ZNF692: variants seen among roughly 807,000 people sequenced by gnomAD.
The protein encoded by ZNF692 is AICAR responsive element binding protein.
In ZNF692, 41 loss-of-function variants were observed where a neutral mutation model predicts 49.0. The observed-to-expected ratio is 0.84, with a 90% CI of 0.65 to 1.08. The LOEUF (loss-of-function observed/expected upper bound fraction) is 1.08. Ranked by LOEUF, ZNF692 falls within the 50% of genes least tolerant of loss-of-function variation. The pLI is 0.00. For missense variants in ZNF692, 662 were observed against 662.2 expected (o/e 1.00, Z 0.00); for synonymous variants, 288 against 251.5 (o/e 1.15, Z -1.37).
At chr1:248,857,971 G>A (rs1239457008) in intron 2 of ZNF692, 112 bp from the exon 3 acceptor site, 1 of 1,557,444 alleles carries the variant, frequency 6.4e-7, no homozygotes, top group African/African-American at 1.4e-5. Context: ...CTGAGACCAT[G>A]AGGAGGGGAG....
chr1:248,853,411 G>A (rs1185985761), intron 10 of ZNF692, among the ~76,000 whole-genome samples: 1 of 152,166 alleles, frequency 6.6e-6, no homozygotes, highest in Non-Finnish European at 1.5e-5. Context: ...CCTGTGGATG[G>A]TCTCAGAGGC....
At chr1:248,855,499 G>C (rs968428354) in intron 8 of ZNF692, 41 bp from the exon 9 acceptor site, 1 of 1,613,386 alleles carries the variant, frequency 6.2e-7, no homozygotes, top group African/African-American at 1.3e-5. Context: ...ACTCCTGCCT[G>C]CCCTTCTCTG....
At chr1:248,850,622 T>G in intron 11 of ZNF692, 60 bp downstream of exon 11, 1 of 1,607,274 alleles carries the variant, frequency 6.2e-7, no homozygotes, top group Non-Finnish European at 8.5e-7. Context: ...TATGCCTAGC[T>G]TCCAGACTCC....
rs376033211 is a variant in ZNF692, at chr1:248,850,528, G to T, written c.1254-12C>A. ...CGCATATCTCACACCTGGAGTCAGG[G>T]ACAGAAGAGGGAAGGAACAAGGCCT... On this transcript the variant is annotated splice_polypyrimidine_tract_variant and intron_variant, in intron 11 of 11. Transcript: ENST00000306601. The T allele has an allele frequency of 4.4e-6, 7 of 1,598,442 alleles. No homozygotes were observed. The highest frequency in any genetic ancestry group is 4.0e-5 in the African/African-American group (3 of 74,630).
At chr1:248,853,611 C>G (rs746597640) in intron 10 of ZNF692, among the ~76,000 whole-genome samples, 1 of 152,236 alleles carries the variant, frequency 6.6e-6, no homozygotes, top group Non-Finnish European at 1.5e-5. Flanking sequence ...GCAACTCCTC[C>G]TTATGCTCTC....
chr1:248,850,247 G>C lies in ZNF692; in HGVS notation c.1523C>G (p.Ala508Gly). The change falls in exon 12 of 12, where the codon GCA becomes GGA. Residue 508 changes from alanine (A) to glycine (G), a missense_variant. Physicochemically the swap from Ala to Gly is moderately conservative, Grantham distance 60 (BLOSUM62 0). Coordinates refer to ENST00000306601, the MANE Select transcript of ZNF692 (RefSeq NM_017865.4). ...AAGCAGGGTTGGAGCCTGAGGAGAT[G>C]CAGAGGGCCTGGACCCCTCGCTGGA... ...LGSSEGSRPS[A>G]SPQAPTLLPQ... is the part of the protein sequence containing the mutation. The C allele has an allele frequency of 6.4e-7, 1 of 1,559,566 alleles. No homozygotes were observed. The highest frequency in any genetic ancestry group is 1.2e-5 in the South Asian group (1 of 83,252).
chr1:248,850,796 G>A lies in ZNF692; in HGVS notation c.1154-15C>T. 5.6e-6 allele frequency: 9 copies of A among 1,613,164 alleles called. No homozygotes were observed. The African/African-American group carries it at 6.7e-5, about 12-fold the overall frequency. On this transcript the variant is annotated splice_polypyrimidine_tract_variant and intron_variant, in intron 10 of 11. Transcript: ENST00000306601. ...GTCCCGGGTGTCTGCAGGCATATGA[G>A]GGACACTCCAGCATCTGCCCCCACC...
In ZNF692 at chr1:248,858,198, A is replaced by G. The variant is rs1163029533; in HGVS notation, c.112T>C (p.Trp38Arg). ...RIRLGGHMEQ[W>R]CLLKERLGFS... ...CCCAGCCGCTCCTTGAGGAGGCACC[A>G]CTGCTCCATGTGGCCGCCCAGGCGG... The change falls in exon 2 of 12, where the codon TGG (tryptophan) becomes CGG (arginine). Residue 38 changes from tryptophan (W) to arginine (R), a missense_variant. Trp to Arg is a moderately radical substitution (Grantham distance 101). Transcript: ENST00000306601. The surrounding 1 kb of genome is among the most constrained non-coding windows in gnomAD (Gnocchi z 4.3). 9 of 1,592,024 alleles carry G rather than the reference A, an allele frequency of 5.7e-6. No individual in the cohort carries two copies. Among genetic ancestry groups the G allele is most frequent in the Non-Finnish European group, 6.8e-6 (8 of 1,171,234 alleles).
Position 248,850,667 on chromosome 1 carries a change from C to T in ZNF692, c.1253+15G>A, listed in dbSNP as rs779535712. On this transcript the variant is annotated intron_variant, in intron 11 of 11. Coordinates refer to ENST00000306601, the MANE Select transcript of ZNF692 (RefSeq NM_017865.4). ...CTTCTAGCCCCTGGCCCTCAGACCC[C>T]ACCCCAGCACTCACTGCAGGGGTTT... is the stretch of plus-strand genomic sequence containing the variant. 6.2e-7 allele frequency: 1 copy of T among 1,613,376 alleles called. No homozygotes were observed. The highest frequency in any genetic ancestry group is 1.3e-5 in the African/African-American group (1 of 75,036).
Position 248,854,030 on chromosome 1 carries a change from T to C in ZNF692, c.1060A>G (p.Ile354Val). ...YLNHHKKYQHIHQKSFSCPEP... is the reference protein window; with the variant it reads ...YLNHHKKYQHVHQKSFSCPEP... Reference sequence around the variant, plus strand: ...GGGCAGGAGAAAGACTTCTGGTGGATGTGCTGGTACTTTTTGTGGTGCTAG... The same window carrying C: ...GGGCAGGAGAAAGACTTCTGGTGGACGTGCTGGTACTTTTTGTGGTGCTAG... Residue 354 changes from isoleucine (I) to valine (V), a missense_variant, in exon 10 of 12, where the codon ATC (isoleucine) becomes GTC (valine). Physicochemically the swap from Ile to Val is conservative, Grantham distance 29. Coordinates refer to ENST00000306601, the MANE Select transcript of ZNF692 (RefSeq NM_017865.4). 1.2e-6 allele frequency: 2 copies of C among 1,614,180 alleles called. No individual in the cohort carries two copies. Among genetic ancestry groups the C allele is most frequent in the Non-Finnish European group, 8.5e-7 (1 of 1,180,004 alleles).
chr1:248,853,166 A>G (rs1170575931), intron 10 of ZNF692, among the ~76,000 whole-genome samples: 2 of 152,074 alleles, frequency 1.3e-5, no homozygotes, highest in Admixed American at 1.3e-4. Flanking sequence ...CTCCATCTGC[A>G]CACACACTGG....
In ZNF692 at chr1:248,855,736, C is replaced by G. The variant is rs751559099; in HGVS notation, c.870G>C (p.Glu290Asp). The change falls in exon 7 of 12, where the codon GAG (glutamate) becomes GAC (aspartate). Residue 290 changes from glutamate to aspartate, a missense_variant. Transcript: ENST00000306601. The stretch of plus-strand genomic sequence containing the variant: ...AGCCATCAGGTTACCTGGCCAGGGC[C>G]TCAGTCTGCTGGGCCGCTTGAGGGG... Reference protein sequence around the residue: ...SRTPQAAQQTEALASTGSQAQ... With the variant: ...SRTPQAAQQTDALASTGSQAQ... 3 of 1,614,232 alleles carry G rather than the reference C, an allele frequency of 1.9e-6. No individual in the cohort carries two copies. The highest frequency in any genetic ancestry group is 2.5e-6 in the Non-Finnish European group (3 of 1,180,042).
rs1398881317 is a variant in ZNF692, at chr1:248,855,943, A to C, written c.663T>G (p.Ser221Arg). Reference sequence around the variant, plus strand: ...GCAGTAGTCTGGGGGCATCAGGCTCACTACTGAAAGGAGAACAAAGAGGAA... The same window carrying C: ...GCAGTAGTCTGGGGGCATCAGGCTCCCTACTGAAAGGAGAACAAAGAGGAA... The part of the protein sequence containing the change: ...LWTYSSSPDD[S>R]EPDAPRLLPS... Residue 221 changes from serine (S) to arginine (R), a missense_variant, in exon 7 of 12, where the codon AGT becomes AGG. Physicochemically the swap from Ser to Arg is moderately radical, Grantham distance 110. Coordinates refer to ENST00000306601, the MANE Select transcript of ZNF692 (RefSeq NM_017865.4). 2.5e-6 allele frequency: 4 copies of C among 1,613,662 alleles called. No homozygotes were observed. The highest frequency in any genetic ancestry group is 3.4e-6 in the Non-Finnish European group (4 of 1,179,930).
intron 10 of ZNF692, 150 bp from the exon 11 acceptor site, chr1:248,850,931 G>C (rs1339944124): frequency 1.3e-6 from 1 of 751,346 alleles, no homozygotes; most frequent in Non-Finnish European, 2.3e-6. Context: ...CATGGAGCCC[G>C]TCTGGACCTC....
At chr1:248,856,191 A>C in intron 6 of ZNF692, 97 bp downstream of exon 6, 1 of 1,506,266 alleles carries the variant, frequency 6.6e-7, no homozygotes, top group Non-Finnish European at 8.9e-7. Context: ...TTCCCTCCAC[A>C]CTAACAAGCC....
Position 248,858,678 on chromosome 1 carries a change from C to G in ZNF692, c.-13+240G>C, listed in dbSNP as rs1461143551. The G allele has an allele frequency of 1.1e-6, 1 of 913,110 alleles. No homozygotes were observed. The highest frequency in any genetic ancestry group is 1.4e-5 in the South Asian group (1 of 70,420). 56.6% of individuals were successfully genotyped at this position (913,110 alleles called of 1,614,324 possible). On this transcript the variant is annotated intron_variant, in intron 1 of 11. Transcript: ENST00000306601. The surrounding 1 kb of genome is among the most constrained non-coding windows in gnomAD (Gnocchi z 4.3). ...ACACATTTCATCTTGAATAGGGCAGCGGCCTTTACTGGTTTCTAGGGGAAG... is the reference window on the plus strand; with the variant it reads ...ACACATTTCATCTTGAATAGGGCAGGGGCCTTTACTGGTTTCTAGGGGAAG...
intron 6 of ZNF692, 76 bp from the exon 7 acceptor site, chr1:248,856,022 A>G (rs2103059975): frequency 6.8e-7 from 1 of 1,469,992 alleles, no homozygotes; most frequent in Non-Finnish European, 9.3e-7. Context: ...CCTAGCCCCT[A>G]AACTGAAAAG....
Position 248,854,033 on chromosome 1 carries a change from G to A in ZNF692, c.1057C>T (p.His353Tyr). ...QYLNHHKKYQ[H>Y]IHQKSFSCPE... ...CAGGAGAAAGACTTCTGGTGGATGT[G>A]CTGGTACTTTTTGTGGTGCTAGAGA... Residue 353 changes from histidine (H) to tyrosine (Y), a missense_variant, in exon 10 of 12, where the codon CAC becomes TAC. By Grantham distance (83) the His-to-Tyr change is moderately conservative. Coordinates refer to ENST00000306601, the MANE Select transcript of ZNF692 (RefSeq NM_017865.4). 1 of 1,614,164 alleles carries A rather than the reference G, an allele frequency of 6.2e-7. No homozygotes were observed. The highest frequency in any genetic ancestry group is 8.5e-7 in the Non-Finnish European group (1 of 1,179,982).
Position 248,857,406 on chromosome 1 carries a change from C to A in ZNF692, c.303G>T (p.Arg101=). The A allele has an allele frequency of 1.2e-6, 2 of 1,614,120 alleles. No individual in the cohort carries two copies. The highest frequency in any genetic ancestry group is 1.7e-6 in the Non-Finnish European group (2 of 1,180,024). The part of the protein sequence containing the change: ...SRECSLVPGL[R]GPGGQDGGLV... ...GCCCCCCATCTTGGCCGCCAGGCCC[C>A]CGAAGCCCGGGCACCAGGCTGCACT... Residue 101 remains arginine (R), a synonymous_variant, in exon 4 of 12, where the codon CGG becomes CGT. Transcript: ENST00000306601.
Sources: allele counts gnomAD v4.1 joint callset (sites outside exome capture counted in the v4.1 genomes callset), GRCh38; gene constraint gnomAD v4.1.1; non-coding constraint Gnocchi (gnomAD v3.1); transcripts MANE v1.5; gene names NCBI Gene and HGNC (gene_info 2026-07-23, HGNC 2026-07-21).